Variants in CARMIL1 observed in about 807,000 individuals in gnomAD.
The protein encoded by CARMIL1 is capping protein regulator and myosin 1 linker 1.
In CARMIL1, 90 loss-of-function variants were observed where a neutral mutation model predicts 177.1. The ratio of observed to expected loss-of-function variants is 0.51; its 90% CI spans 0.43 to 0.61. CARMIL1 has a LOEUF of 0.61. Ranked by LOEUF, CARMIL1 falls within the 20% of genes least tolerant of loss-of-function variation. The pLI is 0.00. For synonymous variants in CARMIL1, 577 were observed against 606.2 expected, an observed-to-expected ratio of 0.95 and a Z score of 0.71; for missense variants, 1,380 against 1,667.0, an observed-to-expected ratio of 0.83 and a Z score of 3.00.
chr6:25,585,968 A>C (rs770523672), intron 31 of CARMIL1, among the ~76,000 whole-genome samples: 47 of 152,172 alleles, frequency 3.1e-4, no homozygotes, highest in Non-Finnish European at 5.9e-4. Flanking sequence ...ACACAGCAAC[A>C]ATCTGATTTC....
At chr6:25,296,935 T>TCTATCTAACTATCTATCTTTAAC (rs11414122) in intron 2 of CARMIL1, among the ~76,000 whole-genome samples, 6 of 136,344 alleles carry the variant, frequency 4.4e-5, no homozygotes, top group Admixed American at 7.3e-5. Context: ...CTATCTATCT[T>TCTATCTAACTATCTATCTTTAAC]TAACTAACTA....
chr6:25,358,374 A>AT (rs1258137683), intron 2 of CARMIL1, among the ~76,000 whole-genome samples: 1 of 152,238 alleles, frequency 6.6e-6, no homozygotes, highest in Non-Finnish European at 1.5e-5. Context: ...AATGTGACGC[A>AT]TAAAAAGTAT....
intron 35 of CARMIL1, among the ~76,000 whole-genome samples, chr6:25,608,635 A>G (rs1015311366): frequency 1.5e-4 from 23 of 152,214 alleles, no homozygotes; most frequent in Non-Finnish European, 4.4e-5. Flanking sequence ...GTTTTTATAG[A>G]GCTTGGGAAT....
rs150789825 is a variant in CARMIL1, at chr6:25,375,579, G to T, written c.139-44535G>T. Reference sequence around the variant, plus strand: ...TTTTCTCACCTATTTTCTCAAATAAGTTTCCCAAATTTTTTGCTTTCTCTT... The same window carrying T: ...TTTTCTCACCTATTTTCTCAAATAATTTTCCCAAATTTTTTGCTTTCTCTT... On this transcript the variant is annotated intron_variant, in intron 2 of 36. Transcript: ENST00000329474. Among the ~76,000 whole-genome samples the T allele has an allele frequency of 8.6e-4, 131 of 152,296 alleles. 1 individual carries two copies. The highest frequency in any genetic ancestry group is 3.0e-3 in the African/African-American group (126 of 41,570).
chr6:25,490,316 A>G (rs1407283366), intron 13 of CARMIL1, among the ~76,000 whole-genome samples: 2 of 152,198 alleles, frequency 1.3e-5, no homozygotes, highest in African/African-American at 2.4e-5. Flanking sequence ...TCTTGAGACA[A>G]TTTTTGCCAG....
At chr6:25,347,321 C>T (rs555721950) in intron 2 of CARMIL1, among the ~76,000 whole-genome samples, 1 of 152,190 alleles carries the variant, frequency 6.6e-6, no homozygotes, top group African/African-American at 2.4e-5. Context: ...TCACAACTAC[C>T]TAAATTTAGC....
chr6:25,400,674 G>A (rs1441787473), intron 2 of CARMIL1, among the ~76,000 whole-genome samples: 1 of 152,132 alleles, frequency 6.6e-6, no homozygotes, highest in African/African-American at 2.4e-5. Context: ...AAGGAAATGG[G>A]TTTTTCTCTA....
intron 2 of CARMIL1, among the ~76,000 whole-genome samples, chr6:25,332,461 T>A (rs980997638): frequency 6.6e-6 from 1 of 151,956 alleles, no homozygotes; most frequent in African/African-American, 2.4e-5. Flanking sequence ...AATGTATTTT[T>A]AAGGTAGAAG....
At chr6:25,451,824 G>A (rs1221971946) in intron 8 of CARMIL1, among the ~76,000 whole-genome samples, 1 of 151,964 alleles carries the variant, frequency 6.6e-6, no homozygotes, top group East Asian at 1.9e-4. Flanking sequence ...GGTAGGCAGG[G>A]GTCAGCCCTA....
At chr6:25,361,564 A>G (rs1183626306) in intron 2 of CARMIL1, among the ~76,000 whole-genome samples, 1 of 152,178 alleles carries the variant, frequency 6.6e-6, no homozygotes, top group Non-Finnish European at 1.5e-5. Context: ...TTGGTATGAA[A>G]GGCTTTGTAT....
At chr6:25,534,134 A>G (rs1411454408) in intron 24 of CARMIL1, among the ~76,000 whole-genome samples, 1 of 150,588 alleles carries the variant, frequency 6.6e-6, no homozygotes, top group Admixed American at 6.6e-5. Flanking sequence ...TTTTTTTTTA[A>G]CAAGAACTAC....
intron 2 of CARMIL1, among the ~76,000 whole-genome samples, chr6:25,412,122 A>G (rs1439752586): frequency 1.3e-5 from 2 of 152,240 alleles, no homozygotes; most frequent in East Asian, 1.9e-4. Flanking sequence ...GTTTACTACT[A>G]TTATAGACCT....
Position 25,472,451 on chromosome 6 carries a change from T to C in CARMIL1, c.804T>C (p.Ser268=). The part of the protein sequence containing the change: ...LRTDFAQKLA[S]ALAHNPNSGL... ...GAGATTTTGCACAAAAACTGGCCAG[T>C]GCTCTAGCACATAATCCCAACTCAG... The change falls in exon 11 of 37, where the codon AGT becomes AGC. Residue 268 remains serine (S), a synonymous_variant. Transcript: ENST00000329474. 1 of 1,579,838 alleles carries C rather than the reference T, an allele frequency of 6.3e-7. No individual in the cohort carries two copies. Among genetic ancestry groups the C allele is most frequent in the South Asian group, 1.2e-5 (1 of 85,646 alleles).
At chr6:25,463,820 T>C (rs976460263) in intron 8 of CARMIL1, among the ~76,000 whole-genome samples, 1 of 36,068 alleles carries the variant, frequency 2.8e-5, no homozygotes, top group African/African-American at 1.0e-4. Context: ...GTTGTTCTCC[T>C]TTTTTTTTTT....
At chr6:25,502,634 G>T (rs1804507690) in intron 17 of CARMIL1, among the ~76,000 whole-genome samples, 1 of 151,996 alleles carries the variant, frequency 6.6e-6, no homozygotes, top group African/African-American at 2.4e-5. Flanking sequence ...TTCTAATGTG[G>T]TTTTACAATC....
chr6:25,452,627 T>C (rs1356211750), intron 8 of CARMIL1: 1 of 154,256 alleles, frequency 6.5e-6, no homozygotes, highest in Non-Finnish European at 1.4e-5. Flanking sequence ...AAAAAGTAAA[T>C]ATATTTTCCA....
chr6:25,479,609 A>G (rs2150963676), intron 11 of CARMIL1, among the ~76,000 whole-genome samples: 1 of 152,238 alleles, frequency 6.6e-6, no homozygotes, highest in East Asian at 1.9e-4. Flanking sequence ...TTAAAGAACC[A>G]ACTTTGTTAA....
chr6:25,594,055 A>T (rs1814579262), intron 31 of CARMIL1, among the ~76,000 whole-genome samples: 1 of 151,856 alleles, frequency 6.6e-6, no homozygotes, highest in Admixed American at 6.5e-5. Context: ...CACCACTCTC[A>T]GAAGTCAGTG....
chr6:25,521,769 C>CAAAA (rs34016230), intron 23 of CARMIL1, among the ~76,000 whole-genome samples: 1 of 94,042 alleles, frequency 1.1e-5, no homozygotes, highest in Non-Finnish European at 2.3e-5. Context: ...GATTCCATCT[C>CAAAA]AAAAAAAAAA....
Sources: gnomAD v4.1 joint callset for allele counts (sites outside exome capture counted in the v4.1 genomes callset) on GRCh38, gnomAD v4.1.1 for gene constraint, MANE v1.5 for transcripts, NCBI Gene and HGNC (gene_info 2026-07-23, HGNC 2026-07-21) for gene names.